Variants in PIP5K1B observed in about 807,000 individuals in gnomAD.
PIP5K1B encodes phosphatidylinositol-4-phosphate 5-kinase type 1 beta, also known as phosphatidylinositol 4-phosphate 5-kinase type-1 beta.
Under a neutral mutation model 67.0 loss-of-function variants are expected in PIP5K1B, and 42 were observed. The ratio of observed to expected loss-of-function variants is 0.63; its 90% CI spans 0.49 to 0.81. The LOEUF (loss-of-function observed/expected upper bound fraction) is 0.81. Among genes scored for constraint, PIP5K1B ranks in the 30% least tolerant of loss-of-function variants. The probability of loss-of-function intolerance (pLI) is 0.00; values close to 1 mark genes in which losing one functional copy is unlikely to be tolerated. For missense variants in PIP5K1B, 459 were observed against 646.3 expected (o/e 0.71, Z 3.14); for synonymous variants, 214 against 231.4 (o/e 0.92, Z 0.68).
At chr9:68,870,515 G>A (rs1031961029) in intron 5 of PIP5K1B, among the ~76,000 whole-genome samples, 6 of 152,164 alleles carry the variant, frequency 3.9e-5, no homozygotes, top group Non-Finnish European at 7.4e-5. Context: ...CTCTAGTTAC[G>A]TAAAGAATTG....
At chr9:68,949,110 A>C (rs1409318586) in intron 14 of PIP5K1B, among the ~76,000 whole-genome samples, 2 of 151,862 alleles carry the variant, frequency 1.3e-5, no homozygotes, top group African/African-American at 4.8e-5. Flanking sequence ...AAAAAAAAAG[A>C]CTTCTTTATC....
At chr9:68,864,963 A>C (rs1823284924) in intron 5 of PIP5K1B, among the ~76,000 whole-genome samples, 1 of 152,204 alleles carries the variant, frequency 6.6e-6, no homozygotes, top group East Asian at 1.9e-4. Context: ...AATTGTCTTT[A>C]CACATTTATC....
chr9:68,781,103 CA>C, intron 2 of PIP5K1B: 1 of 1,506,834 alleles, frequency 6.6e-7, no homozygotes, highest in East Asian at 2.3e-5. Context: ...TGAACTTTGT[CA>C]ATTAATTTGA....
At chr9:68,739,725 T>G (rs1828910968) in intron 1 of PIP5K1B, 1 of 152,270 alleles carries the variant, frequency 6.6e-6, no homozygotes, top group African/African-American at 2.4e-5. Context: ...CTTTCAGTGC[T>G]CATTTCAGGC....
chr9:68,755,458 T>C (rs1829877501), intron 2 of PIP5K1B, among the ~76,000 whole-genome samples: 1 of 152,246 alleles, frequency 6.6e-6, no homozygotes, highest in Non-Finnish European at 1.5e-5. Context: ...TAGACCCTTT[T>C]TGTTTCTTAC....
intron 1 of PIP5K1B, among the ~76,000 whole-genome samples, chr9:68,714,772 C>A (rs896536760): frequency 6.6e-6 from 1 of 152,210 alleles, no homozygotes; most frequent in East Asian, 1.9e-4. Flanking sequence ...CTACAGTCAA[C>A]TACTTTTAAA....
intron 2 of PIP5K1B, among the ~76,000 whole-genome samples, chr9:68,751,046 CT>C (rs1214095669): frequency 6.6e-6 from 1 of 152,158 alleles, no homozygotes; most frequent in Non-Finnish European, 1.5e-5. Flanking sequence ...TGTGGGAATT[CT>C]TTATAGAAAC....
chr9:68,992,285 C>T (rs1445900505), intron 15 of PIP5K1B, among the ~76,000 whole-genome samples: 1 of 152,014 alleles, frequency 6.6e-6, no homozygotes, highest in African/African-American at 2.4e-5. Flanking sequence ...TTACATAAAA[C>T]AGGGGAAGTG....
At chr9:68,724,212 G>A (rs1202338585) in intron 1 of PIP5K1B, among the ~76,000 whole-genome samples, 1 of 144,958 alleles carries the variant, frequency 6.9e-6, no homozygotes, top group Non-Finnish European at 1.5e-5. Context: ...AGTTCCGTAG[G>A]TCTATGTGTC....
chr9:68,871,119 A>T (rs938468860), intron 5 of PIP5K1B, among the ~76,000 whole-genome samples: 6 of 152,208 alleles, frequency 3.9e-5, no homozygotes, highest in African/African-American at 1.4e-4. Flanking sequence ...GTACATAGAG[A>T]GGAGAACACC....
intron 2 of PIP5K1B, among the ~76,000 whole-genome samples, chr9:68,795,434 T>A (rs987661245): frequency 3.9e-5 from 6 of 152,162 alleles, no homozygotes; most frequent in Non-Finnish European, 8.8e-5. Context: ...CCGAAGAATA[T>A]ATGTAATATA....
chr9:68,978,840 C>T (rs1452325004), intron 14 of PIP5K1B, among the ~76,000 whole-genome samples: 1 of 152,174 alleles, frequency 6.6e-6, no homozygotes, highest in Non-Finnish European at 1.5e-5. Flanking sequence ...CCAGCAAGTT[C>T]CCTTCTGCCC....
At chr9:68,717,991 A>G (rs1438097867) in intron 1 of PIP5K1B, among the ~76,000 whole-genome samples, 1 of 152,160 alleles carries the variant, frequency 6.6e-6, no homozygotes, top group East Asian at 1.9e-4. Flanking sequence ...AGAGACCTGC[A>G]ATTTATTTAG....
chr9:68,943,389 A>C (rs1232101955), intron 14 of PIP5K1B, among the ~76,000 whole-genome samples: 1 of 152,202 alleles, frequency 6.6e-6, no homozygotes, highest in Admixed American at 6.5e-5. Context: ...AAGGTGCTAA[A>C]AAAATCTTAA....
chr9:68,928,979 G>A (rs1286231793), intron 12 of PIP5K1B, among the ~76,000 whole-genome samples: 12 of 151,922 alleles, frequency 7.9e-5, no homozygotes, highest in African/African-American at 1.5e-4. Context: ...CCTGACCAAC[G>A]TGGTGAAACC....
At chr9:68,954,708 T>C (rs140029544) in intron 14 of PIP5K1B, among the ~76,000 whole-genome samples, 2 of 152,276 alleles carry the variant, frequency 1.3e-5, no homozygotes, top group Non-Finnish European at 2.9e-5. Flanking sequence ...GAGAGAGGAC[T>C]AGCGAAAAAT....
intron 2 of PIP5K1B, among the ~76,000 whole-genome samples, chr9:68,796,013 A>AGAAAGTTCTGATAAGC (rs1365095067): frequency 3.9e-5 from 6 of 152,230 alleles, no homozygotes; most frequent in African/African-American, 1.4e-4. Flanking sequence ...TAGAAATTGT[A>AGAAAGTTCTGATAAGC]GAAAGTTCTG....
At chr9:68,765,364 A>G (rs937021253) in intron 2 of PIP5K1B, among the ~76,000 whole-genome samples, 2 of 152,100 alleles carry the variant, frequency 1.3e-5, no homozygotes, top group Non-Finnish European at 2.9e-5. Flanking sequence ...TGAAAATTTG[A>G]GGGTGTACCT....
chr9:68,753,561 G>A (rs35193226), intron 2 of PIP5K1B, among the ~76,000 whole-genome samples: 3 of 103,504 alleles, frequency 2.9e-5, no homozygotes, highest in Non-Finnish European at 3.5e-5. Flanking sequence ...GTCTCACACC[G>A]TCACCGAGGC....
Sources: allele counts gnomAD v4.1 joint callset (sites outside exome capture counted in the v4.1 genomes callset), GRCh38; gene constraint gnomAD v4.1.1; transcripts MANE v1.5; gene names NCBI Gene and HGNC (gene_info 2026-07-23, HGNC 2026-07-21).